SUFU: variants seen among roughly 807,000 people sequenced by gnomAD.
SUFU encodes SUFU negative regulator of hedgehog signaling.
In SUFU, 7 loss-of-function variants were observed where a neutral mutation model predicts 58.9. That is an observed-to-expected ratio of 0.12 (90% CI 0.07 to 0.22). The LOEUF is 0.22. SUFU is among the 10% of genes least tolerant of loss of function. SUFU has a pLI of 1.00. For synonymous variants in SUFU, 232 were observed against 254.8 expected (o/e 0.91, Z 0.85); for missense variants, 451 against 641.3 (o/e 0.70, Z 3.20).
intron 3 of SUFU, among the ~76,000 whole-genome samples, chr10:102,564,292 T>C (rs1318408743): frequency 6.6e-6 from 1 of 152,226 alleles, no homozygotes; most frequent in Non-Finnish European, 1.5e-5. Context: ...TAAAGCTTTC[T>C]GGAAAGAGGT....
chr10:102,535,342 C>T (rs182142599), intron 2 of SUFU, among the ~76,000 whole-genome samples: 5 of 152,070 alleles, frequency 3.3e-5, no homozygotes, highest in East Asian at 1.9e-4. Flanking sequence ...AAAAATGAGC[C>T]GGGCATGGTG....
At chr10:102,614,782 G>A (rs1410291808) in intron 8 of SUFU, among the ~76,000 whole-genome samples, 2 of 144,560 alleles carry the variant, frequency 1.4e-5, no homozygotes, top group Non-Finnish European at 1.5e-5. Context: ...AGGCTAAGGC[G>A]GGAGAATTGC....
Position 102,599,420 on chromosome 10 carries a change from G to A in SUFU, c.911-13G>A. The A allele has an allele frequency of 6.2e-7, 1 of 1,600,258 alleles. No individual in the cohort carries two copies. The highest frequency in any genetic ancestry group is 8.6e-7 in the Non-Finnish European group (1 of 1,167,448). ...CCACTGGGCCACTGGGCAACTTAGTGGTGTCGTTGCAGACACAGAGCAGAT... is the reference window on the plus strand; with the variant it reads ...CCACTGGGCCACTGGGCAACTTAGTAGTGTCGTTGCAGACACAGAGCAGAT... On this transcript the variant is annotated splice_polypyrimidine_tract_variant and intron_variant, in intron 7 of 11. Coordinates refer to ENST00000369902, the MANE Select transcript of SUFU (RefSeq NM_016169.4).
chr10:102,534,594 T>C (rs2062714069), intron 2 of SUFU, among the ~76,000 whole-genome samples: 1 of 152,182 alleles, frequency 6.6e-6, no homozygotes, highest in Non-Finnish European at 1.5e-5. Context: ...ATCCTCTGCG[T>C]AGGTGTAAGG....
At chr10:102,580,225 A>C (rs2063261840) in intron 3 of SUFU, among the ~76,000 whole-genome samples, 1 of 152,138 alleles carries the variant, frequency 6.6e-6, no homozygotes, top group South Asian at 2.1e-4. Context: ...CAGGGGTGCG[A>C]AATTCTGTTG....
chr10:102,521,327 G>A (rs1433341081), intron 2 of SUFU, among the ~76,000 whole-genome samples: 1 of 152,004 alleles, frequency 6.6e-6, no homozygotes, highest in East Asian at 1.9e-4. Flanking sequence ...TTCTACCTCT[G>A]CCCATACATA....
At chr10:102,518,299 T>C (rs1176872241) in intron 2 of SUFU, among the ~76,000 whole-genome samples, 1 of 152,176 alleles carries the variant, frequency 6.6e-6, no homozygotes, top group Non-Finnish European at 1.5e-5. Context: ...GGAACTGGGA[T>C]ATAAACCCAG....
chr10:102,621,575 G>A (rs2063740524), intron 10 of SUFU, among the ~76,000 whole-genome samples: 1 of 152,054 alleles, frequency 6.6e-6, no homozygotes, highest in Admixed American at 6.5e-5. Context: ...CTTTTGTCTG[G>A]CCTGTGGAGT....
intron 3 of SUFU, among the ~76,000 whole-genome samples, chr10:102,574,067 C>T (rs2063189414): frequency 6.6e-6 from 1 of 152,102 alleles, no homozygotes; most frequent in Non-Finnish European, 1.5e-5. Context: ...TTTACTTTTG[C>T]CATATTCTGT....
intron 2 of SUFU, among the ~76,000 whole-genome samples, chr10:102,515,222 A>G (rs2062452329): frequency 6.6e-6 from 1 of 152,062 alleles, no homozygotes; most frequent in Non-Finnish European, 1.5e-5. Context: ...CACTGGATAC[A>G]GATTAACTTT....
intron 8 of SUFU, among the ~76,000 whole-genome samples, chr10:102,602,770 C>T (rs924909508): frequency 1.2e-4 from 18 of 152,346 alleles, no homozygotes; most frequent in Non-Finnish European, 1.3e-4. Context: ...CAGCCCTCCT[C>T]CCACTGCCTT....
rs988727751 is a variant in SUFU, at chr10:102,633,395, G to A, written c.*3240G>A. On this transcript the variant is annotated 3_prime_UTR_variant, in exon 12 of 12. Transcript: ENST00000369902. ...TTTTTGGGTGACTCACTTAGATGTCGTTTCCTTCTTGCCCCCTCTTCCTCT... is the reference window on the plus strand; with the variant it reads ...TTTTTGGGTGACTCACTTAGATGTCATTTCCTTCTTGCCCCCTCTTCCTCT... The A allele has an allele frequency of 3.0e-5, 7 of 233,158 alleles. No individual in the cohort carries two copies. The highest frequency in any genetic ancestry group is 1.2e-4 in the East Asian group (2 of 16,548). 14.4% of individuals were successfully genotyped at this position (233,158 alleles called of 1,614,324 possible).
Position 102,504,204 on chromosome 10 carries a change from C to A in SUFU, c.52C>A (p.Pro18Thr). 4 of 1,596,934 alleles carry A rather than the reference C, an allele frequency of 2.5e-6. No individual in the cohort carries two copies. The highest frequency in any genetic ancestry group is 3.4e-6 in the Non-Finnish European group (4 of 1,173,110). ...CCCCGGCCCCACCGCGCCCCCGGCC[C>A]CTGGCCCGACTGCCCCCCCGGCCTT... ...GAPGPTAPPA[P>T]GPTAPPAFAS... The change falls in exon 1 of 12, where the codon CCT becomes ACT. Residue 18 changes from proline (P) to threonine (T), a missense_variant. By Grantham distance (38) the Pro-to-Thr change is conservative (BLOSUM62 -1). Coordinates refer to ENST00000369902, the MANE Select transcript of SUFU (RefSeq NM_016169.4).
Position 102,579,235 on chromosome 10 carries a change from C to T in SUFU, c.455-13347C>T, listed in dbSNP as rs1161274074. Among the ~76,000 whole-genome samples the T allele has an allele frequency of 1.1e-4, 16 of 152,336 alleles. No homozygotes were observed. The South Asian group carries it at 3.3e-3, about 32-fold the overall frequency. ...TCTGTGGGCAGTCAGGGTCCTCACCCTCATTGGGGGGAGAATGAGGCTGTC... is the reference window on the plus strand; with the variant it reads ...TCTGTGGGCAGTCAGGGTCCTCACCTTCATTGGGGGGAGAATGAGGCTGTC... On this transcript the variant is annotated intron_variant, in intron 3 of 11. Transcript: ENST00000369902.
chr10:102,503,858 A>C, upstream of SUFU: 1 of 396,732 alleles, frequency 2.5e-6, no homozygotes, highest in South Asian at 3.6e-5. Context: ...CCTATTGTCA[A>C]GTCACACCTT....
rs752846043 is a variant in SUFU, at chr10:102,599,501, A to G, written c.979A>G (p.Ile327Val). Residue 327 changes from isoleucine (I) to valine (V), a missense_variant, in exon 8 of 12, where the codon ATC becomes GTC. By Grantham distance (29) the Ile-to-Val change is conservative (BLOSUM62 3). Coordinates refer to ENST00000369902, the MANE Select transcript of SUFU (RefSeq NM_016169.4). The part of the protein sequence containing the change: ...EINSKPVLPP[I>V]NPQRQNGLAH... ...CAACAGCAAACCTGTCCTTCCACCA[A>G]TCAACCCTCAGCGGCAGAATGGCCT... The G allele has an allele frequency of 1.9e-5, 30 of 1,614,020 alleles. No individual in the cohort carries two copies. Among genetic ancestry groups the G allele is most frequent in the East Asian group, 4.5e-5 (2 of 44,888 alleles).
chr10:102,584,382 A>G (rs1007948319), intron 3 of SUFU, among the ~76,000 whole-genome samples: 8 of 151,956 alleles, frequency 5.3e-5, no homozygotes, highest in African/African-American at 1.9e-4. Flanking sequence ...GGGTCTTACT[A>G]TGTTGCCCAG....
At chr10:102,582,650 G>T (rs2063293740) in intron 3 of SUFU, among the ~76,000 whole-genome samples, 1 of 152,224 alleles carries the variant, frequency 6.6e-6, no homozygotes, top group Non-Finnish European at 1.5e-5. Flanking sequence ...AGTGAGCAAG[G>T]TGTAGAACTG....
At position 102,619,408 on chromosome 10, in the gene SUFU, A is replaced by G. The variant is rs1590086330; in HGVS notation, c.1296+1980A>G. On this transcript the variant is annotated intron_variant, in intron 10 of 11. Transcript: ENST00000369902. This position sits in a 1 kb window ranked among gnomAD's most constrained non-coding sequence, Gnocchi z 4.2. ...CCCAGGGAACCGGGGCGCGGTGGGA[A>G]CGAGCTGCTGGCCTCGGCATGTTTC... The G allele has an allele frequency of 5.9e-6, 8 of 1,364,754 alleles. No individual in the cohort carries two copies. In the East Asian group the frequency reaches 2.0e-4, roughly 33 times the overall value. The allele number at this position is 1,364,754 out of a possible 1,614,324, so 84.5% of individuals were successfully genotyped here.
Sources: allele counts gnomAD v4.1 joint callset (sites outside exome capture counted in the v4.1 genomes callset), GRCh38; gene constraint gnomAD v4.1.1; non-coding constraint Gnocchi (gnomAD v3.1); transcripts MANE v1.5; gene names NCBI Gene and HGNC (gene_info 2026-07-23, HGNC 2026-07-21).